The following ANGPT1 variants were observed in gnomAD, a reference collection of about 807,000 sequenced individuals.
ANGPT1 encodes angiopoietin 1, also known as angiopoietin-1.
ANGPT1 carries 17 observed loss-of-function variants against 62.2 expected under a neutral mutation model. The observed-to-expected ratio is 0.27, with a 90% CI of 0.19 to 0.41. The LOEUF is 0.41. ANGPT1 is among the 10% of genes least tolerant of loss of function. The probability of loss-of-function intolerance (pLI) is 1.00; values close to 1 mark genes in which losing one functional copy is unlikely to be tolerated. For synonymous variants in ANGPT1, 199 were observed against 198.9 expected, an observed-to-expected ratio of 1.00 and a Z score of 0.00; for missense variants, 478 against 594.9, an observed-to-expected ratio of 0.80 and a Z score of 2.04.
chr8:107,352,586 A>G (rs566342980), intron 1 of ANGPT1, among the ~76,000 whole-genome samples: 2 of 152,276 alleles, frequency 1.3e-5, no homozygotes, highest in East Asian at 1.9e-4. Context: ...TGTGAAATGC[A>G]TTCTGTATCA....
At chr8:107,487,855 A>G (rs62514485) in intron 1 of ANGPT1, among the ~76,000 whole-genome samples, 7,647 of 152,290 alleles carry the variant, frequency 0.05, 221 homozygotes, top group South Asian at 0.11. Flanking sequence ...AGATCTAACA[A>G]ATCATCAGAG....
At position 107,364,412 on chromosome 8, in the gene ANGPT1, C is replaced by T. The variant is rs1448254335; in HGVS notation, c.298-17315G>A. Among the ~76,000 whole-genome samples, 3 of 152,252 alleles carry T rather than the reference C, an allele frequency of 2.0e-5. No individual in the cohort carries two copies. In the East Asian group the frequency reaches 5.8e-4, roughly 29 times the overall value. On this transcript the variant is annotated intron_variant, in intron 1 of 8. Transcript: ENST00000517746. ...TCTCCTGCCTCAGCCTCCCTAGTAG[C>T]TGGGATTACAGGTGTGCGCCACGAT...
At chr8:107,283,230 T>C (rs540266151) in intron 7 of ANGPT1, among the ~76,000 whole-genome samples, 2 of 152,302 alleles carry the variant, frequency 1.3e-5, no homozygotes, top group Non-Finnish European at 2.9e-5. Flanking sequence ...TTTCTTGTTA[T>C]AAAACTTTCA....
intron 1 of ANGPT1, among the ~76,000 whole-genome samples, chr8:107,405,239 A>G (rs190273352): frequency 2.0e-5 from 3 of 151,938 alleles, no homozygotes; most frequent in Non-Finnish European, 4.4e-5. Flanking sequence ...ATGTAGCTTT[A>G]TTATATGTAG....
At chr8:107,492,369 T>C (rs1273423142) in intron 1 of ANGPT1, among the ~76,000 whole-genome samples, 1 of 152,190 alleles carries the variant, frequency 6.6e-6, no homozygotes, top group Non-Finnish European at 1.5e-5. Flanking sequence ...GGAGTCCCGC[T>C]CTGTCATTCA....
At chr8:107,295,483 T>C (rs1280205443) in intron 5 of ANGPT1, 1 of 152,112 alleles carries the variant, frequency 6.6e-6, no homozygotes, top group African/African-American at 2.4e-5. Flanking sequence ...CAACTGGGGG[T>C]ATTATTATAA....
At chr8:107,428,870 T>C (rs535529039) in intron 1 of ANGPT1, among the ~76,000 whole-genome samples, 5 of 152,214 alleles carry the variant, frequency 3.3e-5, no homozygotes, top group Non-Finnish European at 7.3e-5. Context: ...CCTATTATTG[T>C]CTTCTCTTAA....
At chr8:107,373,272 T>TTTA (rs34510340) in intron 1 of ANGPT1, among the ~76,000 whole-genome samples, 108,588 of 148,956 alleles carry the variant, frequency 0.73, 40,103 homozygotes, top group East Asian at 0.83. Context: ...ACAAAATAGA[T>TTTA]TTTTTTTTTT....
chr8:107,459,102 C>A (rs1811998532), intron 1 of ANGPT1, among the ~76,000 whole-genome samples: 1 of 152,230 alleles, frequency 6.6e-6, no homozygotes, highest in Non-Finnish European at 1.5e-5. Flanking sequence ...TTGTCCTCTC[C>A]CTCAACTCCT....
intron 1 of ANGPT1, among the ~76,000 whole-genome samples, chr8:107,424,734 C>T (rs189388986): frequency 1.8e-4 from 28 of 152,160 alleles, no homozygotes; most frequent in Admixed American, 7.8e-4. Flanking sequence ...ATGACTGCTA[C>T]GGGATTAATT....
intron 5 of ANGPT1, among the ~76,000 whole-genome samples, chr8:107,300,197 A>T (rs1352007077): frequency 6.9e-6 from 1 of 145,936 alleles, no homozygotes; most frequent in East Asian, 2.0e-4. Context: ...ATATGCTTAG[A>T]AGAAGACTGG....
chr8:107,367,251 C>CAAGGT (rs1816293815), intron 1 of ANGPT1, among the ~76,000 whole-genome samples: 1 of 152,148 alleles, frequency 6.6e-6, no homozygotes, highest in Non-Finnish European at 1.5e-5. Context: ...GTTGGGTTTA[C>CAAGGT]ACTATACTGT....
chr8:107,305,098 T>C (rs894081613), intron 4 of ANGPT1, among the ~76,000 whole-genome samples: 3 of 152,028 alleles, frequency 2.0e-5, no homozygotes, highest in South Asian at 4.1e-4. Context: ...CTTTACGGAC[T>C]GCTATTTTTC....
intron 7 of ANGPT1, among the ~76,000 whole-genome samples, chr8:107,268,657 A>G (rs1205710194): frequency 6.6e-6 from 1 of 152,120 alleles, no homozygotes; most frequent in Non-Finnish European, 1.5e-5. Context: ...TTGAAAGCAA[A>G]TTCAAAATAA....
At chr8:107,451,853 G>C (rs187309526) in intron 1 of ANGPT1, among the ~76,000 whole-genome samples, 15 of 151,950 alleles carry the variant, frequency 9.9e-5, no homozygotes, top group Non-Finnish European at 4.4e-5. Flanking sequence ...CTTTTTATTT[G>C]ACTGCCAGAA....
At chr8:107,490,337 G>A (rs536571855) in intron 1 of ANGPT1, among the ~76,000 whole-genome samples, 1 of 152,240 alleles carries the variant, frequency 6.6e-6, no homozygotes, top group East Asian at 1.9e-4. Context: ...TTATCCACAG[G>A]CTGCTGGTCT....
intron 1 of ANGPT1, among the ~76,000 whole-genome samples, chr8:107,394,367 A>G (rs941133911): frequency 2.0e-5 from 3 of 152,216 alleles, no homozygotes; most frequent in African/African-American, 4.8e-5. Context: ...AGAGGCAAGA[A>G]AAGATTAATG....
At chr8:107,274,476 T>A (rs1813812883) in intron 7 of ANGPT1, among the ~76,000 whole-genome samples, 1 of 152,284 alleles carries the variant, frequency 6.6e-6, no homozygotes, top group Non-Finnish European at 1.5e-5. Context: ...AATTTTTTTA[T>A]TTACTTGCCA....
At chr8:107,475,132 T>A (rs1586353917) in intron 1 of ANGPT1, among the ~76,000 whole-genome samples, 2 of 152,194 alleles carry the variant, frequency 1.3e-5, no homozygotes, top group African/African-American at 4.8e-5. Flanking sequence ...GCCAAGACAA[T>A]CCTAAGCCAA....
Sources: allele counts gnomAD v4.1 joint callset (sites outside exome capture counted in the v4.1 genomes callset), GRCh38; gene constraint gnomAD v4.1.1; transcripts MANE v1.5; gene names NCBI Gene and HGNC (gene_info 2026-07-23, HGNC 2026-07-21).